PTPRG: variants seen among roughly 807,000 people sequenced by gnomAD.
The protein encoded by PTPRG is receptor-type tyrosine-protein phosphatase gamma.
A neutral mutation model predicts 165.3 loss-of-function variants in PTPRG; 102 were observed. The observed-to-expected ratio is 0.62, with a 90% CI of 0.53 to 0.73. The LOEUF (loss-of-function observed/expected upper bound fraction) is 0.73, where lower values mean the gene tolerates loss of function less well. Ranked by LOEUF, PTPRG falls within the 30% of genes least tolerant of loss-of-function variation. The pLI is 0.00. For synonymous variants in PTPRG, 675 were observed against 669.5 expected, an observed-to-expected ratio of 1.01 and a Z score of -0.13; for missense variants, 1,866 against 1,861.4, an observed-to-expected ratio of 1.00 and a Z score of -0.05.
At chr3:62,018,545 C>A (rs2041606968) in intron 4 of PTPRG, among the ~76,000 whole-genome samples, 2 of 152,202 alleles carry the variant, frequency 1.3e-5, no homozygotes, top group Non-Finnish European at 2.9e-5. Context: ...AAGTTAGTCT[C>A]AAAAATGCCT....
At chr3:61,680,757 G>C (rs1382979672) in intron 1 of PTPRG, among the ~76,000 whole-genome samples, 1 of 69,240 alleles carries the variant, frequency 1.4e-5, no homozygotes, top group Non-Finnish European at 4.1e-5. Flanking sequence ...CAGGTTGCAG[G>C]GAGGTGGGGA....
At chr3:61,772,763 C>G (rs926484999) in intron 2 of PTPRG, among the ~76,000 whole-genome samples, 32 of 152,176 alleles carry the variant, frequency 2.1e-4, no homozygotes, top group African/African-American at 7.2e-4. Context: ...CAAGCTTTTT[C>G]ACACTACCAA....
chr3:62,187,726 G>A (rs551638588), intron 8 of PTPRG, among the ~76,000 whole-genome samples: 5 of 152,250 alleles, frequency 3.3e-5, no homozygotes, highest in Non-Finnish European at 5.9e-5. Context: ...ATTTGGCCCA[G>A]TATAGCTAGA....
chr3:62,253,928 C>A (rs1479999976), intron 15 of PTPRG, among the ~76,000 whole-genome samples: 2 of 152,170 alleles, frequency 1.3e-5, no homozygotes, highest in Non-Finnish European at 2.9e-5. Context: ...ACATAAGTCA[C>A]CTTCCTAAAA....
At chr3:61,792,279 C>T (rs917928247) in intron 2 of PTPRG, among the ~76,000 whole-genome samples, 1 of 152,102 alleles carries the variant, frequency 6.6e-6, no homozygotes, top group African/African-American at 2.4e-5. Flanking sequence ...CAACTCACTG[C>T]AGCCTTGACC....
At chr3:61,665,765 TTGCAGTGAACTA>T (rs1417199264) in intron 1 of PTPRG, among the ~76,000 whole-genome samples, 1 of 152,096 alleles carries the variant, frequency 6.6e-6, no homozygotes, top group Non-Finnish European at 1.5e-5. Flanking sequence ...GAGTTTGAGG[TTGCAGTGAACTA>T]TGGTCATGCT....
At chr3:62,231,336 G>A (rs1462145721) in intron 14 of PTPRG, 25 bp downstream of exon 14, 1 of 1,529,156 alleles carries the variant, frequency 6.5e-7, no homozygotes, top group South Asian at 1.3e-5. Context: ...AGCTTAAGTG[G>A]GGGGCGTCTT....
At position 61,677,811 on chromosome 3, in the gene PTPRG, A is replaced by G. The variant is rs1005148133; in HGVS notation, c.86-71067A>G. Among the ~76,000 whole-genome samples, 16 of 152,210 alleles carry G rather than the reference A, an allele frequency of 1.1e-4. No individual in the cohort carries two copies. In the East Asian group the frequency reaches 3.1e-3, roughly 29 times the overall value. On this transcript the variant is annotated intron_variant, in intron 1 of 29. Transcript: ENST00000474889. Reference sequence around the variant, plus strand: ...TTCTGGAAATCGGCAGCCCCTCTTGATGTGGCACACCTAGACCATAAGTCA... The same window carrying G: ...TTCTGGAAATCGGCAGCCCCTCTTGGTGTGGCACACCTAGACCATAAGTCA...
chr3:61,697,309 T>G (rs1315103797), intron 1 of PTPRG, among the ~76,000 whole-genome samples: 1 of 152,112 alleles, frequency 6.6e-6, no homozygotes, highest in Non-Finnish European at 1.5e-5. Context: ...ACTTTTGAAT[T>G]AAAGAAAATT....
intron 1 of PTPRG, among the ~76,000 whole-genome samples, chr3:61,587,423 T>C (rs1467316787): frequency 6.6e-6 from 1 of 152,166 alleles, no homozygotes; most frequent in Non-Finnish European, 1.5e-5. Flanking sequence ...CTTTTTTTTT[T>C]CTGAGCAGTT....
chr3:61,708,068 C>T (rs139657090), intron 1 of PTPRG, among the ~76,000 whole-genome samples: 6 of 152,150 alleles, frequency 3.9e-5, no homozygotes, highest in Non-Finnish European at 5.9e-5. Flanking sequence ...GGATTACAGG[C>T]GTGAGCCACC....
At chr3:61,870,909 C>G (rs2037552504) in intron 2 of PTPRG, among the ~76,000 whole-genome samples, 1 of 152,050 alleles carries the variant, frequency 6.6e-6, no homozygotes, top group African/African-American at 2.4e-5. Flanking sequence ...TCAGAAATCA[C>G]TGCTTAGAAA....
chr3:62,064,968 C>T (rs772253473), intron 4 of PTPRG, among the ~76,000 whole-genome samples: 4 of 151,970 alleles, frequency 2.6e-5, no homozygotes, highest in Non-Finnish European at 5.9e-5. Flanking sequence ...TCCTGACCTC[C>T]TGATCCTCCC....
intron 1 of PTPRG, among the ~76,000 whole-genome samples, chr3:61,690,505 A>C (rs1349028461): frequency 6.6e-6 from 1 of 152,234 alleles, no homozygotes. Flanking sequence ...GAATTACTGC[A>C]AAGAGTGGAA....
chr3:61,726,263 G>T (rs1260221232), intron 1 of PTPRG, among the ~76,000 whole-genome samples: 1 of 152,144 alleles, frequency 6.6e-6, no homozygotes, highest in Non-Finnish European at 1.5e-5. Flanking sequence ...ACTGCTGTCT[G>T]CTTGTTTACC....
chr3:61,775,346 T>G (rs1575654098), intron 2 of PTPRG, among the ~76,000 whole-genome samples: 1 of 152,100 alleles, frequency 6.6e-6, no homozygotes, highest in Non-Finnish European at 1.5e-5. Flanking sequence ...GCTGGGATTA[T>G]AGGCATGAGG....
At position 61,685,067 on chromosome 3, in the gene PTPRG, C is replaced by T. The variant is rs574438470; in HGVS notation, c.86-63811C>T. ...CTCCTTCTTTCTTTTCCCGCTCCTC[C>T]GCCTCTCTCATTCTCTTTCTTAAGT... On this transcript the variant is annotated intron_variant, in intron 1 of 29. Coordinates refer to ENST00000474889, the MANE Select transcript of PTPRG (RefSeq NM_002841.4). 5.9e-5 allele frequency among the ~76,000 whole-genome samples: 9 copies of T among 152,290 alleles called. No individual in the cohort carries two copies. In the South Asian group the frequency reaches 1.7e-3, roughly 28 times the overall value.
At chr3:61,831,917 T>C (rs6793218) in intron 2 of PTPRG, among the ~76,000 whole-genome samples, 36,656 of 152,046 alleles carry the variant, frequency 0.24, 4,597 homozygotes, top group East Asian at 0.3. Context: ...ATTTAAAAAT[T>C]ACTTAAAAGA....
intron 2 of PTPRG, among the ~76,000 whole-genome samples, chr3:61,951,201 A>C (rs112176603): frequency 7.9e-5 from 12 of 152,246 alleles, no homozygotes; most frequent in African/African-American, 2.9e-4. Flanking sequence ...TCCCAGTTGA[A>C]CTCTTTTTCC....
Sources: allele counts gnomAD v4.1 joint callset (sites outside exome capture counted in the v4.1 genomes callset), GRCh38; gene constraint gnomAD v4.1.1; transcripts MANE v1.5; gene names NCBI Gene and HGNC (gene_info 2026-07-23, HGNC 2026-07-21).